The following CHMP4B variants were observed in gnomAD, a reference collection of about 807,000 sequenced individuals.
The protein encoded by CHMP4B is SNF7 homolog associated with Alix 1.
In CHMP4B, 1 loss-of-function variant was observed where a neutral mutation model predicts 25.1. That is an observed-to-expected ratio of 0.04 (90% CI 0.01 to 0.19). CHMP4B has a LOEUF of 0.19. Among genes scored for constraint, CHMP4B ranks in the 10% least tolerant of loss-of-function variants. CHMP4B has a pLI of 1.00. For synonymous variants in CHMP4B, 101 were observed against 115.6 expected, an observed-to-expected ratio of 0.87 and a Z score of 0.81; for missense variants, 151 against 289.7, an observed-to-expected ratio of 0.52 and a Z score of 3.48.
intron 1 of CHMP4B, among the ~76,000 whole-genome samples, chr20:33,844,853 G>A (rs1299955371): frequency 6.6e-6 from 1 of 151,746 alleles, no homozygotes; most frequent in East Asian, 1.9e-4. Flanking sequence ...CCGCCTCCTG[G>A]GCTCACGCCA....
intron 1 of CHMP4B, among the ~76,000 whole-genome samples, chr20:33,828,626 G>T (rs1016961085): frequency 2.0e-5 from 3 of 152,160 alleles, no homozygotes. Flanking sequence ...CTGCATCAGG[G>T]TTTCCTCCAT....
chr20:33,831,332 C>T (rs1322372052), intron 1 of CHMP4B, among the ~76,000 whole-genome samples: 8 of 152,154 alleles, frequency 5.3e-5, no homozygotes, highest in Non-Finnish European at 1.2e-4. Flanking sequence ...GTGATCCGCC[C>T]ACCTCGGCCT....
chr20:33,811,939 C>T (rs1422890968), intron 1 of CHMP4B, among the ~76,000 whole-genome samples: 2 of 152,192 alleles, frequency 1.3e-5, no homozygotes, highest in African/African-American at 4.8e-5. Flanking sequence ...CCTCCGCCCT[C>T]ACTCTGTCCC....
rs6059481 is a variant in CHMP4B, at chr20:33,828,011, A to G, written c.190+16353A>G. On this transcript the variant is annotated intron_variant, in intron 1 of 4. Coordinates refer to ENST00000217402, the MANE Select transcript of CHMP4B (RefSeq NM_176812.5). ...TTTCTGCAAAGGCCTCATGCTTAGC[A>G]TAAGTCCTGGCTCCATCATGAGCAG... Among the ~76,000 whole-genome samples, 256 of 152,348 alleles carry G rather than the reference A, an allele frequency of 1.7e-3. 4 individuals carry two copies. The highest frequency in any genetic ancestry group is 5.9e-3 in the African/African-American group (245 of 41,596).
At chr20:33,821,025 C>T (rs1448986232) in intron 1 of CHMP4B, among the ~76,000 whole-genome samples, 3 of 152,218 alleles carry the variant, frequency 2.0e-5, no homozygotes, top group East Asian at 1.9e-4. Context: ...TGTCTTCCTA[C>T]GGAAGGAAGT....
At chr20:33,830,951 G>GTTTTTTTTTTTTTTTTTTTTTTTTTTT (rs1555792014) in intron 1 of CHMP4B, among the ~76,000 whole-genome samples, 2 of 73,018 alleles carry the variant, frequency 2.7e-5, no homozygotes, top group South Asian at 4.9e-4. Context: ...TTTTTTTTTA[G>GTTTTTTTTTTTTTTTTTTTTTTTTTTT]TTTTTTTGAG....
chr20:33,826,232 G>A (rs961042153), intron 1 of CHMP4B, among the ~76,000 whole-genome samples: 1 of 152,276 alleles, frequency 6.6e-6, no homozygotes, highest in East Asian at 1.9e-4. Context: ...GGGATGGCAG[G>A]GATTCTGAGC....
Position 33,845,015 on chromosome 20 carries a change from C to T in CHMP4B, c.191-3452C>T, listed in dbSNP as rs553391472. On this transcript the variant is annotated intron_variant, in intron 1 of 4. Coordinates refer to ENST00000217402, the MANE Select transcript of CHMP4B (RefSeq NM_176812.5). ...ACTTTGTAATCCACCCGCCTTGGCC[C>T]CCCAAAGTGCTGGGACTACAGGTGT... Among the ~76,000 whole-genome samples the T allele has an allele frequency of 4.5e-3, 678 of 152,196 alleles. 2 individuals carry two copies. Among genetic ancestry groups the T allele is most frequent in the Middle Eastern group, 0.01 (3 of 294 alleles).
At chr20:33,815,511 G>A (rs1300231484) in intron 1 of CHMP4B, among the ~76,000 whole-genome samples, 2 of 152,184 alleles carry the variant, frequency 1.3e-5, no homozygotes, top group East Asian at 1.9e-4. Context: ...GGTGATGGCA[G>A]TAATGAAGTT....
Position 33,849,687 on chromosome 20 carries a change from T to C in CHMP4B, c.368+1043T>C, listed in dbSNP as rs541813802. Reference sequence around the variant, plus strand: ...ATATATTTGGGGGTGCTAGGTGCCTTTTTTGCTTCCTTTTGGGTACTCAGC... The same window carrying C: ...ATATATTTGGGGGTGCTAGGTGCCTCTTTTGCTTCCTTTTGGGTACTCAGC... On this transcript the variant is annotated intron_variant, in intron 2 of 4. Transcript: ENST00000217402. 7.2e-5 allele frequency among the ~76,000 whole-genome samples: 11 copies of C among 152,278 alleles called. No individual in the cohort carries two copies. In the South Asian group the frequency reaches 8.3e-4, roughly 11 times the overall value.
chr20:33,827,280 G>A (rs924633784), intron 1 of CHMP4B, among the ~76,000 whole-genome samples: 3 of 152,208 alleles, frequency 2.0e-5, no homozygotes, highest in African/African-American at 7.2e-5. Context: ...AACAAAATGG[G>A]AAGATGGATT....
chr20:33,823,309 T>G (rs2122787535), intron 1 of CHMP4B, among the ~76,000 whole-genome samples: 1 of 152,130 alleles, frequency 6.6e-6, no homozygotes, highest in Middle Eastern at 3.4e-3. Flanking sequence ...ATTATATGAG[T>G]CACTGGGCAG....
rs1360458129 is a variant in CHMP4B at position 33,854,335 on chromosome 20, C to T, written c.*775C>T. ...TATTCAGATGAAATTATGGTTTGCA[C>T]TGTCTATTAAATATCTCGATTAATT... On this transcript the variant is annotated 3_prime_UTR_variant, in exon 5 of 5. Transcript: ENST00000217402. 1 of 152,772 alleles carries T rather than the reference C, an allele frequency of 6.5e-6. No homozygotes were observed. Among genetic ancestry groups the T allele is most frequent in the Non-Finnish European group, 1.5e-5 (1 of 68,158 alleles). The allele number at this position is 152,772 out of a possible 1,614,324, so 9.5% of individuals were successfully genotyped here. A position where few individuals can be genotyped will look rare whatever the true frequency, so the allele number is the denominator to read the frequency against.
rs577101379 is a variant in CHMP4B at position 33,852,058 on chromosome 20, TTG to T, written c.484-15_484-14del. On this transcript the variant is annotated splice_polypyrimidine_tract_variant and intron_variant, in intron 3 of 4. Transcript: ENST00000217402. Reference sequence around the variant, plus strand: ...GGGATTCCCAGGGAGGGCGCTCACTTTGTGTTTCCTTTTACTAGGATGAGCTC... The same window carrying T: ...GGGATTCCCAGGGAGGGCGCTCACTTTGTTTCCTTTTACTAGGATGAGCTC... The T allele has an allele frequency of 4.3e-6, 7 of 1,613,634 alleles. No homozygotes were observed. In the Admixed American group the frequency reaches 5.0e-5, roughly 12 times the overall value.
intron 1 of CHMP4B, among the ~76,000 whole-genome samples, chr20:33,812,034 C>T (rs1366952987): frequency 6.6e-6 from 1 of 152,156 alleles, no homozygotes; most frequent in African/African-American, 2.4e-5. Flanking sequence ...CTGCCCCCAT[C>T]CTAGCATTTC....
rs1185900175 is a variant in CHMP4B, at chr20:33,853,762, G to A, written c.*202G>A. Reference sequence around the variant, plus strand: ...GGGAGATGGGCGGGGGGAGGGGGGCGGGCGGGGTGGGAAGTGCCTGCTGTT... The same window carrying A: ...GGGAGATGGGCGGGGGGAGGGGGGCAGGCGGGGTGGGAAGTGCCTGCTGTT... On this transcript the variant is annotated 3_prime_UTR_variant, in exon 5 of 5. Transcript: ENST00000217402. 3 of 282,728 alleles carry A rather than the reference G, an allele frequency of 1.1e-5. No homozygotes were observed. Among genetic ancestry groups the A allele is most frequent in the African/African-American group, 4.8e-5 (2 of 41,532 alleles). The allele number at this position is 282,728 out of a possible 1,614,324, so 17.5% of individuals were successfully genotyped here.
chr20:33,833,059 G>C (rs1162364909), intron 1 of CHMP4B, among the ~76,000 whole-genome samples: 1 of 152,094 alleles, frequency 6.6e-6, no homozygotes, highest in Non-Finnish European at 1.5e-5. Context: ...AAAGTGCTGG[G>C]ATTGTAGGTG....
chr20:33,842,660 G>C (rs1400234542), intron 1 of CHMP4B, among the ~76,000 whole-genome samples: 1 of 152,218 alleles, frequency 6.6e-6, no homozygotes, highest in African/African-American at 2.4e-5. Context: ...AGGACCTCAG[G>C]AGTGTGTTCA....
At chr20:33,822,682 G>C (rs1815951564) in intron 1 of CHMP4B, among the ~76,000 whole-genome samples, 2 of 152,246 alleles carry the variant, frequency 1.3e-5, no homozygotes, top group Admixed American at 1.3e-4. Context: ...GGGCTGCAGG[G>C]CTCACAGCTG....
Sources: allele counts gnomAD v4.1 joint callset (sites outside exome capture counted in the v4.1 genomes callset), GRCh38; gene constraint gnomAD v4.1.1; transcripts MANE v1.5; gene names NCBI Gene and HGNC (gene_info 2026-07-23, HGNC 2026-07-21).